The following MICAL2 variants were observed in gnomAD, a reference collection of about 807,000 sequenced individuals.
MICAL2 encodes [F-actin]-monooxygenase MICAL2.
A neutral mutation model predicts 127.3 loss-of-function variants in MICAL2; 77 were observed. The observed-to-expected ratio is 0.60, with a 90% confidence interval of 0.50 to 0.73. The LOEUF (loss-of-function observed/expected upper bound fraction) is 0.73, where lower values mean the gene tolerates loss of function less well. Among genes scored for constraint, MICAL2 ranks in the 30% least tolerant of loss-of-function variants. The pLI, the probability that MICAL2 is intolerant of heterozygous loss-of-function variation, is 0.00. For synonymous variants in MICAL2, 570 were observed against 551.1 expected, an observed-to-expected ratio of 1.03 and a Z score of -0.48; for missense variants, 1,351 against 1,434.4, an observed-to-expected ratio of 0.94 and a Z score of 0.94.
At chr11:12,305,364 AC>A (rs1864096967) in intron 29 of MICAL2, among the ~76,000 whole-genome samples, 1 of 151,686 alleles carries the variant, frequency 6.6e-6, no homozygotes, top group African/African-American at 2.4e-5. Context: ...CATGGGGGAG[AC>A]CACCCCCAAA....
chr11:12,144,255 G>A (rs150554413), intron 2 of MICAL2, among the ~76,000 whole-genome samples: 1,893 of 152,258 alleles, frequency 0.012, 50 homozygotes, highest in African/African-American at 0.042. Context: ...GTTTTTCAGA[G>A]CATGAGCCCA....
chr11:12,272,682 C>G (rs1863686332), upstream of MICAL2, among the ~76,000 whole-genome samples: 2 of 152,212 alleles, frequency 1.3e-5, no homozygotes, highest in Non-Finnish European at 1.5e-5. Context: ...CTGAGTAGCT[C>G]TGCTTCAGGC....
At chr11:12,130,458 A>T (rs1851321655) in intron 1 of MICAL2, among the ~76,000 whole-genome samples, 1 of 152,226 alleles carries the variant, frequency 6.6e-6, no homozygotes, top group Non-Finnish European at 1.5e-5. Context: ...TGATCCTTCT[A>T]GCCAAGGTGG....
Position 12,208,211 on chromosome 11 carries a change from A to G in MICAL2, c.589+72A>G, listed in dbSNP as rs1590355323. On this transcript the variant is annotated intron_variant, in intron 5 of 27. Transcript: ENST00000683283. ...ATAGAAATTCCACTTGCTGCTTCCAAAGGGTGTTTCTGTAGGAGTTATTCT... is the reference window on the plus strand; with the variant it reads ...ATAGAAATTCCACTTGCTGCTTCCAGAGGGTGTTTCTGTAGGAGTTATTCT... The G allele has an allele frequency of 4.0e-6, 5 of 1,234,646 alleles. No homozygotes were observed. In the East Asian group the frequency reaches 9.4e-5, roughly 23 times the overall value. 76.5% of individuals were successfully genotyped at this position (1,234,646 alleles called of 1,614,324 possible).
intron 3 of MICAL2, 22 bp from the exon 4 acceptor site, chr11:12,204,224 GTCTC>G: frequency 2.5e-6 from 4 of 1,606,232 alleles, no homozygotes; most frequent in Non-Finnish European, 3.4e-6. Flanking sequence ...GTTACCAAGA[GTCTC>G]TCTCCTCTCT....
intron 3 of MICAL2, among the ~76,000 whole-genome samples, chr11:12,174,474 C>G (rs1420113158): frequency 1.3e-5 from 2 of 151,936 alleles, no homozygotes; most frequent in Non-Finnish European, 2.9e-5. Context: ...TTCACTTGGC[C>G]TGATGTCCTC....
intron 4 of MICAL2, 46 bp from the exon 5 acceptor site, chr11:12,207,977 G>A (rs747324268): frequency 4.4e-5 from 62 of 1,412,724 alleles, no homozygotes; most frequent in Non-Finnish European, 5.9e-5. Context: ...TATAGGTGGT[G>A]TTCAGGTATT....
chr11:12,258,696 C>T (rs1335351443), intron 25 of MICAL2, 140 bp downstream of exon 25: 9 of 742,438 alleles, frequency 1.2e-5, no homozygotes, highest in Non-Finnish European at 1.1e-5. Context: ...CCTCTGCTTC[C>T]TGGTGTGGAG....
chr11:12,294,484 G>A, downstream of MICAL2: 2 of 1,614,138 alleles, frequency 1.2e-6, no homozygotes, highest in Non-Finnish European at 8.5e-7. Context: ...TGCCCAATCG[G>A]CCATCCAAGG....
chr11:12,123,280 T>C (rs911213127), intron 1 of MICAL2, among the ~76,000 whole-genome samples: 2 of 152,244 alleles, frequency 1.3e-5, no homozygotes, highest in Non-Finnish European at 2.9e-5. Context: ...AAAACTTCGC[T>C]TTCAGAATCT....
intron 29 of MICAL2, among the ~76,000 whole-genome samples, chr11:12,319,532 AG>A: frequency 6.6e-6 from 1 of 151,686 alleles, no homozygotes; most frequent in East Asian, 1.9e-4. Context: ...CCAAATTTTC[AG>A]TTGCCCTTAG....
chr11:12,180,536 G>C (rs1857331964), intron 3 of MICAL2, among the ~76,000 whole-genome samples: 1 of 152,068 alleles, frequency 6.6e-6, no homozygotes. Flanking sequence ...CTTATCCCTT[G>C]TTAGGGTTTA....
At chr11:12,138,001 C>G (rs1336182476) in intron 1 of MICAL2, among the ~76,000 whole-genome samples, 1 of 152,184 alleles carries the variant, frequency 6.6e-6, no homozygotes, top group East Asian at 1.9e-4. Flanking sequence ...ACTTGTTATC[C>G]AGTTTTACAC....
intron 1 of MICAL2, among the ~76,000 whole-genome samples, chr11:12,112,787 A>T (rs935532629): frequency 1.3e-5 from 2 of 152,082 alleles, no homozygotes; most frequent in Non-Finnish European, 2.9e-5. Flanking sequence ...CCAATCCATT[A>T]TACTTTAGTA....
At chr11:12,228,066 C>T (rs150330780) in intron 15 of MICAL2, among the ~76,000 whole-genome samples, 169 of 152,286 alleles carry the variant, frequency 1.1e-3, no homozygotes, top group Non-Finnish European at 2.0e-3. Context: ...TGGTGGCTCA[C>T]GCCTGTAATC....
chr11:12,273,062 C>A (rs11607178), upstream of MICAL2, among the ~76,000 whole-genome samples: 25,701 of 152,162 alleles, frequency 0.17, 2,361 homozygotes, highest in African/African-American at 0.25. Flanking sequence ...GGGCACTTTC[C>A]AGCCAAAACT....
intron 3 of MICAL2, among the ~76,000 whole-genome samples, chr11:12,197,218 G>C (rs144882232): frequency 4.9e-4 from 75 of 152,336 alleles, no homozygotes; most frequent in African/African-American, 1.7e-3. Flanking sequence ...ATATAGGATT[G>C]GGATTTTGAG....
intron 31 of MICAL2, among the ~76,000 whole-genome samples, chr11:12,325,399 C>G (rs569371786): frequency 6.6e-6 from 1 of 152,294 alleles, no homozygotes; most frequent in East Asian, 1.9e-4. Context: ...TGTGAGCCAC[C>G]GTGCCCAGCC....
At position 12,235,442 on chromosome 11, in the gene MICAL2, C is replaced by T. The variant is rs1028702738; in HGVS notation, c.1996-735C>T. Reference sequence around the variant, plus strand: ...GTCATGTATCATCTAAACCAGGAGACTTCTGAGAGTGAAGGGGGCACTGTT... The same window carrying T: ...GTCATGTATCATCTAAACCAGGAGATTTCTGAGAGTGAAGGGGGCACTGTT... On this transcript the variant is annotated intron_variant, in intron 15 of 27. Transcript: ENST00000683283. Among the ~76,000 whole-genome samples the T allele has an allele frequency of 5.3e-5, 8 of 152,094 alleles. No homozygotes were observed. In the East Asian group the frequency reaches 7.7e-4, roughly 15 times the overall value.
Sources: allele counts gnomAD v4.1 joint callset (sites outside exome capture counted in the v4.1 genomes callset), GRCh38; gene constraint gnomAD v4.1.1; transcripts MANE v1.5; gene names NCBI Gene and HGNC (gene_info 2026-07-23, HGNC 2026-07-21).